The following HSD17B12 variants were observed in gnomAD, a reference collection of about 807,000 sequenced individuals.
The protein encoded by HSD17B12 is hydroxysteroid 17-beta dehydrogenase 12.
A neutral mutation model predicts 39.3 loss-of-function variants in HSD17B12; 32 were observed. That is an observed-to-expected ratio of 0.81 (90% CI 0.61 to 1.09). The LOEUF is 1.09. Ranked by LOEUF, HSD17B12 falls within the 50% of genes least tolerant of loss-of-function variation. The pLI, the probability that HSD17B12 is intolerant of heterozygous loss-of-function variation, is 0.00. For synonymous variants in HSD17B12, 150 were observed against 146.7 expected (o/e 1.02, Z -0.16); for missense variants, 342 against 382.9 (o/e 0.89, Z 0.89).
intron 4 of HSD17B12, among the ~76,000 whole-genome samples, chr11:43,810,403 A>ATAT (rs1565097561): frequency 2.5e-4 from 18 of 71,946 alleles, no homozygotes; most frequent in South Asian, 9.0e-4. Context: ...ATATATATAT[A>ATAT]AAATTCAGAA....
At chr11:43,565,401 G>T in the HSD17B12 span, among the ~76,000 whole-genome samples, 2 of 152,142 alleles carry the variant, frequency 1.3e-5, no homozygotes, top group African/African-American at 4.8e-5. Flanking sequence ...TTAAGGAGAG[G>T]TGCATCCTGT....
intron 4 of HSD17B12, among the ~76,000 whole-genome samples, 164 bp downstream of exon 4, chr11:43,798,591 A>ATCTGTG (rs1950935986): frequency 6.6e-6 from 1 of 152,096 alleles, no homozygotes; most frequent in Non-Finnish European, 1.5e-5. Flanking sequence ...ATACATTTGA[A>ATCTGTG]TCTGTGTTTT....
In HSD17B12 at chr11:43,777,825, T is replaced by C. The variant is rs11037629; in HGVS notation, c.284-20495T>C. Among the ~76,000 whole-genome samples the C allele has an allele frequency of 4.1e-3, 627 of 152,232 alleles. 6 individuals carry two copies. The East Asian group carries it at 0.044, about 11-fold the overall frequency. On this transcript the variant is annotated intron_variant, in intron 3 of 10. Transcript: ENST00000278353. ...AACATACCAGAATCTCTGGGACACA[T>C]TCAAAGCACTGTGTAGAGGGAAATT...
rs922403460 is a variant in HSD17B12 at position 43,831,960 on chromosome 11, G to C, written c.536+950G>C. Among the ~76,000 whole-genome samples, 1 of 152,216 alleles carries C rather than the reference G, an allele frequency of 6.6e-6. No homozygotes were observed. Among genetic ancestry groups the C allele is most frequent in the African/African-American group, 2.4e-5 (1 of 41,448 alleles). ...TTTGATAGCCTCCCACCATTGTACA[G>C]ATGAGGAAACTGAGGTTAGGAATCC... On this transcript the variant is annotated intron_variant, in intron 7 of 10. Transcript: ENST00000278353. The surrounding 1 kb of genome is among the most constrained non-coding windows in gnomAD (Gnocchi z 4.1).
the HSD17B12 span, among the ~76,000 whole-genome samples, chr11:43,572,499 G>A: frequency 6.6e-6 from 1 of 152,290 alleles, no homozygotes; most frequent in East Asian, 1.9e-4. Context: ...GAGTATTGGA[G>A]CCATACAGAT....
the HSD17B12 span, among the ~76,000 whole-genome samples, chr11:43,619,247 T>TATATATATATATGATATATATATATAAA: frequency 3.2e-4 from 16 of 50,258 alleles, no homozygotes; most frequent in East Asian, 2.1e-3. Context: ...ATATATAAAA[T>TATATATATATATGATATATATATATAAA]ATATATATAT....
the HSD17B12 span, among the ~76,000 whole-genome samples, chr11:43,567,789 T>G: frequency 6.6e-6 from 1 of 152,228 alleles, no homozygotes; most frequent in Non-Finnish European, 1.5e-5. Flanking sequence ...TGCTAAGCAT[T>G]TTGTGTGCAT....
chr11:43,716,846 GT>G (rs1280547619), intron 1 of HSD17B12, among the ~76,000 whole-genome samples: 1 of 151,332 alleles, frequency 6.6e-6, no homozygotes, highest in Non-Finnish European at 1.5e-5. Flanking sequence ...AGTTTCCCAG[GT>G]GAAGGAGGCA....
At chr11:43,576,894 G>A in the HSD17B12 span, among the ~76,000 whole-genome samples, 1 of 152,050 alleles carries the variant, frequency 6.6e-6, no homozygotes, top group Non-Finnish European at 1.5e-5. Context: ...CGCGTTATGG[G>A]TCGGCGCTGT....
At chr11:43,705,711 A>G (rs971739994) in intron 1 of HSD17B12, among the ~76,000 whole-genome samples, 4 of 150,628 alleles carry the variant, frequency 2.7e-5, no homozygotes, top group African/African-American at 9.8e-5. Flanking sequence ...TTTGGGAAGT[A>G]TAAGGTTACA....
the HSD17B12 span, among the ~76,000 whole-genome samples, chr11:43,633,265 C>T: frequency 0.085 from 12,879 of 152,274 alleles, 1,236 homozygotes; most frequent in African/African-American, 0.24. Context: ...GGCACGTTGG[C>T]TCCCGCCTGT....
At chr11:43,803,567 CCAAA>C (rs1342045298) in intron 4 of HSD17B12, among the ~76,000 whole-genome samples, 1 of 152,034 alleles carries the variant, frequency 6.6e-6, no homozygotes, top group Non-Finnish European at 1.5e-5. Flanking sequence ...GTGTTAAGCA[CCAAA>C]CAGTCAGTGC....
chr11:43,680,387 C>T (rs117301698), upstream of HSD17B12, among the ~76,000 whole-genome samples: 351 of 152,272 alleles, frequency 2.3e-3, 7 homozygotes, highest in East Asian at 0.044. Context: ...CCACTTCTTA[C>T]TATAATCTTT....
chr11:43,647,461 T>TTG, the HSD17B12 span, among the ~76,000 whole-genome samples: 1 of 150,138 alleles, frequency 6.7e-6, no homozygotes, highest in Non-Finnish European at 1.5e-5. Context: ...TTTTTTTTTT[T>TTG]GAGACAGTTT....
At chr11:43,724,822 C>G (rs1230442183) in intron 1 of HSD17B12, among the ~76,000 whole-genome samples, 2 of 152,108 alleles carry the variant, frequency 1.3e-5, no homozygotes, top group African/African-American at 4.8e-5. Flanking sequence ...TTCCAGATGC[C>G]TGAGTGACAA....
At chr11:43,810,436 C>T (rs1951061957) in intron 4 of HSD17B12, among the ~76,000 whole-genome samples, 1 of 144,430 alleles carries the variant, frequency 6.9e-6, no homozygotes. Context: ...TTTTCTGTGT[C>T]TTTAAAATGC....
intron 3 of HSD17B12, among the ~76,000 whole-genome samples, chr11:43,768,091 T>C (rs940161448): frequency 2.6e-5 from 4 of 152,076 alleles, no homozygotes; most frequent in Non-Finnish European, 4.4e-5. Context: ...ACTAACTGAG[T>C]TCTAATCTTT....
chr11:43,649,963 C>T, the HSD17B12 span, among the ~76,000 whole-genome samples: 2 of 152,178 alleles, frequency 1.3e-5, no homozygotes, highest in East Asian at 1.9e-4. Context: ...CCAAAGAACA[C>T]TAAGTGAAGA....
intron 3 of HSD17B12, among the ~76,000 whole-genome samples, chr11:43,790,901 G>A (rs1950861877): frequency 6.6e-6 from 1 of 151,948 alleles, no homozygotes; most frequent in South Asian, 2.1e-4. Flanking sequence ...GGCTGAGGCA[G>A]GAGAATCGCT....
Sources: allele counts gnomAD v4.1 joint callset (sites outside exome capture counted in the v4.1 genomes callset), GRCh38; gene constraint gnomAD v4.1.1; non-coding constraint Gnocchi (gnomAD v3.1); transcripts MANE v1.5; gene names NCBI Gene and HGNC (gene_info 2026-07-23, HGNC 2026-07-21).